The following GPR39 variants were observed in gnomAD, a reference collection of about 807,000 sequenced individuals.
GPR39 encodes zinc sensing receptor.
GPR39 carries 23 observed loss-of-function variants against 18.4 expected under a neutral mutation model. That is an observed-to-expected ratio of 1.25 (90% CI 0.90 to 1.77). The LOEUF (loss-of-function observed/expected upper bound fraction) is 1.77. Among genes scored for constraint, GPR39 ranks in the 40% most tolerant of loss-of-function variants. The pLI, the probability that GPR39 is intolerant of heterozygous loss-of-function variation, is 0.00. For synonymous variants in GPR39, 280 were observed against 257.9 expected (o/e 1.09, Z -0.82); for missense variants, 647 against 602.4 (o/e 1.07, Z -0.78).
At chr2:132,523,732 C>CCTCCTGAAGCTGCATG (rs1301891443) in intron 1 of GPR39, 1 of 152,330 alleles carries the variant, frequency 6.6e-6, no homozygotes, top group East Asian at 1.9e-4. Flanking sequence ...CATGTGCATC[C>CCTCCTGAAGCTGCATG]CTCCTGAAGC....
At chr2:132,614,428 G>C (rs1328554663) in intron 1 of GPR39, among the ~76,000 whole-genome samples, 1 of 151,722 alleles carries the variant, frequency 6.6e-6, no homozygotes, top group African/African-American at 2.4e-5. Context: ...TTGATCTCTT[G>C]ACCTCGTGAT....
intron 1 of GPR39, among the ~76,000 whole-genome samples, chr2:132,531,931 TTAAAAG>T (rs1423351984): frequency 1.3e-5 from 2 of 152,032 alleles, no homozygotes; most frequent in Non-Finnish European, 2.9e-5. Context: ...AACATCACAA[TTAAAAG>T]AACTAGAGAA....
intron 1 of GPR39, among the ~76,000 whole-genome samples, chr2:132,506,530 G>C (rs545483297): frequency 7.9e-5 from 12 of 152,270 alleles, no homozygotes; most frequent in Non-Finnish European, 1.0e-4. Context: ...AAGAAAAGAG[G>C]TTTAATTGAC....
At chr2:132,424,493 C>T (rs7355605) in intron 1 of GPR39, among the ~76,000 whole-genome samples, 33,205 of 152,046 alleles carry the variant, frequency 0.22, 3,812 homozygotes, top group African/African-American at 0.27. Flanking sequence ...GATGGAATTA[C>T]TGACCTCTTT....
intron 1 of GPR39, among the ~76,000 whole-genome samples, chr2:132,637,871 C>T (rs1424333111): frequency 6.6e-6 from 1 of 152,110 alleles, no homozygotes; most frequent in Non-Finnish European, 1.5e-5. Flanking sequence ...AAGGAACTGG[C>T]TTGAAGCTGA....
chr2:132,592,210 G>A (rs1680858364), intron 1 of GPR39, among the ~76,000 whole-genome samples: 1 of 152,162 alleles, frequency 6.6e-6, no homozygotes, highest in African/African-American at 2.4e-5. Context: ...ATGGCAATCA[G>A]TACTAAAGAG....
intron 1 of GPR39, among the ~76,000 whole-genome samples, chr2:132,454,195 A>C (rs1460148182): frequency 6.6e-6 from 1 of 152,120 alleles, no homozygotes; most frequent in Non-Finnish European, 1.5e-5. Flanking sequence ...GAGGTCCTTC[A>C]CATCCCTTGT....
At chr2:132,545,813 A>G (rs903130060) in intron 1 of GPR39, among the ~76,000 whole-genome samples, 5 of 152,150 alleles carry the variant, frequency 3.3e-5, no homozygotes, top group African/African-American at 1.2e-4. Flanking sequence ...ATTTCTAACA[A>G]GCTCCCAGGT....
chr2:132,430,681 C>T (rs1395078653), intron 1 of GPR39, among the ~76,000 whole-genome samples: 3 of 152,098 alleles, frequency 2.0e-5, no homozygotes, highest in African/African-American at 7.2e-5. Flanking sequence ...GCTCATCCAG[C>T]CCCTGTGAGG....
rs1015140366 is a variant in GPR39, at chr2:132,417,438, G to A, written c.396G>A (p.Glu132=). The stretch of plus-strand genomic sequence containing the variant: ...TGCACGTGCTGACACTCAGCTTTGA[G>A]CGCTACATCGCCATCTGTCACCCCT... The part of the protein sequence containing the change: ...TLLHVLTLSF[E]RYIAICHPFR... Residue 132 remains glutamate, a synonymous_variant, in exon 1 of 2, where the codon GAG becomes GAA. Coordinates refer to ENST00000329321, the MANE Select transcript of GPR39 (RefSeq NM_001508.3). 5 of 1,614,180 alleles carry A rather than the reference G, an allele frequency of 3.1e-6. No homozygotes were observed. Among genetic ancestry groups the A allele is most frequent in the Non-Finnish European group, 3.4e-6 (4 of 1,180,032 alleles).
At chr2:132,641,794 A>T (rs1250206243) in intron 1 of GPR39, among the ~76,000 whole-genome samples, 2 of 152,178 alleles carry the variant, frequency 1.3e-5, no homozygotes, top group East Asian at 1.9e-4. Context: ...AGTGAACAGC[A>T]CTGTGCTATA....
At chr2:132,439,448 C>T (rs1398276101) in intron 1 of GPR39, among the ~76,000 whole-genome samples, 1 of 152,114 alleles carries the variant, frequency 6.6e-6, no homozygotes, top group African/African-American at 2.4e-5. Context: ...AGATGCGGCT[C>T]CACTTGACAA....
intron 1 of GPR39, among the ~76,000 whole-genome samples, chr2:132,483,724 T>A (rs1226383183): frequency 1.3e-5 from 2 of 152,124 alleles, no homozygotes; most frequent in African/African-American, 4.8e-5. Flanking sequence ...TGCATTCACA[T>A]TCATGCTGAG....
At position 132,471,719 on chromosome 2, in the gene GPR39, C is replaced by T. The variant is rs555358330; in HGVS notation, c.856+53821C>T. ...CTTCACTTTCAATAGGCTGCTATGCCATTCTGTCAGTCAGATTGACTCTGG... is the reference window on the plus strand; with the variant it reads ...CTTCACTTTCAATAGGCTGCTATGCTATTCTGTCAGTCAGATTGACTCTGG... On this transcript the variant is annotated intron_variant, in intron 1 of 1. Coordinates refer to ENST00000329321, the MANE Select transcript of GPR39 (RefSeq NM_001508.3). Among the ~76,000 whole-genome samples, 5 of 151,752 alleles carry T rather than the reference C, an allele frequency of 3.3e-5. 1 individual carries two copies. Among genetic ancestry groups the T allele is most frequent in the African/African-American group, 1.2e-4 (5 of 41,302 alleles).
chr2:132,438,573 CTTTTTTTTTTTT>C (rs35614907), intron 1 of GPR39, among the ~76,000 whole-genome samples: 2 of 97,766 alleles, frequency 2.0e-5, no homozygotes, highest in Admixed American at 1.2e-4. Flanking sequence ...TGTCAGCAAG[CTTTTTTTTTTTT>C]TTTTTTTTTT....
At chr2:132,578,298 A>G (rs1284851319) in intron 1 of GPR39, among the ~76,000 whole-genome samples, 1 of 152,124 alleles carries the variant, frequency 6.6e-6, no homozygotes, top group Non-Finnish European at 1.5e-5. Context: ...ATACTTTGTT[A>G]AAGAACTTTA....
At chr2:132,448,211 C>T (rs1262142876) in intron 1 of GPR39, among the ~76,000 whole-genome samples, 1 of 151,984 alleles carries the variant, frequency 6.6e-6, no homozygotes, top group Non-Finnish European at 1.5e-5. Flanking sequence ...AATTATCTGC[C>T]TGGACAAGAC....
chr2:132,491,818 C>T (rs941827054), intron 1 of GPR39, among the ~76,000 whole-genome samples: 6 of 151,796 alleles, frequency 4.0e-5, no homozygotes, highest in African/African-American at 1.5e-4. Context: ...TCAGGCAAGC[C>T]ACACAACTTC....
At chr2:132,487,788 G>T (rs1681371853) in intron 1 of GPR39, among the ~76,000 whole-genome samples, 1 of 152,082 alleles carries the variant, frequency 6.6e-6, no homozygotes, top group Admixed American at 6.5e-5. Context: ...GAGTCGTAGA[G>T]GGTAGAATGA....
Sources: gnomAD v4.1 joint callset for allele counts (sites outside exome capture counted in the v4.1 genomes callset) on GRCh38, gnomAD v4.1.1 for gene constraint, MANE v1.5 for transcripts, NCBI Gene and HGNC (gene_info 2026-07-23, HGNC 2026-07-21) for gene names.